FRMD5: variants seen among roughly 807,000 people sequenced by gnomAD.
FRMD5 encodes the protein FERM domain containing 5.
FRMD5 carries 20 observed loss-of-function variants against 69.0 expected under a neutral mutation model. The observed-to-expected ratio is 0.29, with a 90% CI of 0.20 to 0.42. The LOEUF (loss-of-function observed/expected upper bound fraction) is 0.42. Among genes scored for constraint, FRMD5 ranks in the 10% least tolerant of loss-of-function variants. FRMD5 has a pLI of 1.00. For missense variants in FRMD5, 595 were observed against 708.6 expected, an observed-to-expected ratio of 0.84 and a Z score of 1.82; for synonymous variants, 271 against 260.1, an observed-to-expected ratio of 1.04 and a Z score of -0.40.
Position 43,902,284 on chromosome 15 carries a change from G to T in FRMD5, c.552-22C>A, listed in dbSNP as rs2089065156. On this transcript the variant is annotated intron_variant, in intron 6 of 13. Coordinates refer to ENST00000417257, the MANE Select transcript of FRMD5 (RefSeq NM_032892.5). ...ACCACTGGAATAAAGAAGATGAGATGATTTCAAGGTGTCTTGTTCCCACAG... is the reference window on the plus strand; with the variant it reads ...ACCACTGGAATAAAGAAGATGAGATTATTTCAAGGTGTCTTGTTCCCACAG... 4 of 1,591,988 alleles carry T rather than the reference G, an allele frequency of 2.5e-6. No individual in the cohort carries two copies. In the East Asian group the frequency reaches 8.9e-5, roughly 36 times the overall value.
chr15:43,896,874 A>G (rs1195414886), intron 7 of FRMD5, among the ~76,000 whole-genome samples: 1 of 152,208 alleles, frequency 6.6e-6, no homozygotes, highest in Non-Finnish European at 1.5e-5. Context: ...AGATACGCCC[A>G]TTTCTGAAAG....
At chr15:43,972,126 A>G (rs375116232) in intron 1 of FRMD5, among the ~76,000 whole-genome samples, 61 of 150,372 alleles carry the variant, frequency 4.1e-4, no homozygotes, top group African/African-American at 1.5e-3. Flanking sequence ...ATGGTGCTTA[A>G]CCTCCAAAGA....
intron 1 of FRMD5, among the ~76,000 whole-genome samples, chr15:44,071,445 A>AAAAC (rs1315384492): frequency 1.3e-5 from 2 of 152,144 alleles, no homozygotes; most frequent in Admixed American, 6.6e-5. Flanking sequence ...AAAACAAAAC[A>AAAAC]AAACAAAACA....
intron 1 of FRMD5, chr15:43,989,730 C>T (rs1477959736): frequency 4.6e-5 from 46 of 1,008,964 alleles, no homozygotes; most frequent in Non-Finnish European, 6.4e-5. Context: ...TAGTCCATCA[C>T]GATGTCAGTG....
chr15:44,090,458 T>TTG (rs2076455388), intron 1 of FRMD5, among the ~76,000 whole-genome samples: 1 of 151,572 alleles, frequency 6.6e-6, no homozygotes, highest in Non-Finnish European at 1.5e-5. Flanking sequence ...TTTTTTTTTT[T>TTG]GAGATACTTT....
chr15:43,949,630 G>A (rs968562539), intron 1 of FRMD5, among the ~76,000 whole-genome samples: 1 of 152,206 alleles, frequency 6.6e-6, no homozygotes, highest in Non-Finnish European at 1.5e-5. Flanking sequence ...TACGACACTA[G>A]AGTTGTTGCA....
chr15:43,907,492 A>G (rs1014014654), intron 5 of FRMD5, among the ~76,000 whole-genome samples: 1 of 150,468 alleles, frequency 6.6e-6, no homozygotes, highest in African/African-American at 2.4e-5. Context: ...ACCTCAGCCT[A>G]TAGCTGAGAC....
rs556474797 is a variant in FRMD5, at chr15:44,148,300, C to G, written c.102+46653G>C. 3.3e-5 allele frequency among the ~76,000 whole-genome samples: 5 copies of G among 151,034 alleles called. No homozygotes were observed. In the South Asian group the frequency reaches 8.3e-4, roughly 25 times the overall value. On this transcript the variant is annotated intron_variant, in intron 1 of 13. Coordinates refer to ENST00000417257, the MANE Select transcript of FRMD5 (RefSeq NM_032892.5). ...ACTTTTTTTTTTTTTGAGACGGAGT[C>G]TCGCTCTGTCCCCCAGGTTGGAGTG...
At chr15:44,174,481 T>A (rs2077859045) in intron 1 of FRMD5, among the ~76,000 whole-genome samples, 3 of 152,188 alleles carry the variant, frequency 2.0e-5, no homozygotes, top group Admixed American at 1.3e-4. Context: ...TGTGCCACAT[T>A]TCCCACATTA....
rs371269022 is a variant in FRMD5, at chr15:43,916,170, A to G, written c.329+3289T>C. Among the ~76,000 whole-genome samples, 9 of 152,274 alleles carry G rather than the reference A, an allele frequency of 5.9e-5. No individual in the cohort carries two copies. In the East Asian group the frequency reaches 1.4e-3, roughly 23 times the overall value. On this transcript the variant is annotated intron_variant, in intron 4 of 13. Transcript: ENST00000417257. ...TTAGCACAAATGCATGCAGACCGAG[A>G]GGAGCTCCTTCTCTTGCCAGTGTCC...
intron 1 of FRMD5, among the ~76,000 whole-genome samples, chr15:43,986,380 A>G (rs765942268): frequency 3.9e-5 from 6 of 152,256 alleles, no homozygotes; most frequent in Non-Finnish European, 7.3e-5. Context: ...TAGAAGAAAT[A>G]GCTAACTGTG....
At chr15:44,170,523 C>CAA (rs78781391) in intron 1 of FRMD5, among the ~76,000 whole-genome samples, 4 of 132,116 alleles carry the variant, frequency 3.0e-5, no homozygotes, top group Admixed American at 7.7e-5. Flanking sequence ...ACTTCATATC[C>CAA]AAAAAAAAAA....
chr15:43,889,268 G>A (rs935205864), intron 8 of FRMD5, among the ~76,000 whole-genome samples: 2 of 152,200 alleles, frequency 1.3e-5, no homozygotes, highest in Non-Finnish European at 2.9e-5. Context: ...TGAGGCCAAA[G>A]TTCAAGATAC....
chr15:43,991,412 C>A (rs1889669893), intron 1 of FRMD5, among the ~76,000 whole-genome samples: 1 of 152,210 alleles, frequency 6.6e-6, no homozygotes, highest in South Asian at 2.1e-4. Flanking sequence ...CATCCATACA[C>A]ATGAGCCCTG....
Position 44,057,956 on chromosome 15 carries a change from A to G in FRMD5, c.103-133647T>C, listed in dbSNP as rs146067348. ...AAACCATGGAGTCCTATATATCCCA[A>G]TTCATTTGACCACATCCATAGTTTG... is the stretch of plus-strand genomic sequence containing the variant. On this transcript the variant is annotated intron_variant, in intron 1 of 13. Transcript: ENST00000417257. Among the ~76,000 whole-genome samples the G allele has an allele frequency of 9.8e-4, 149 of 152,308 alleles. 1 individual carries two copies. The highest frequency in any genetic ancestry group is 2.7e-3 in the African/African-American group (114 of 41,570).
chr15:43,913,489 TAAG>T (rs1409408427), intron 4 of FRMD5, among the ~76,000 whole-genome samples: 2 of 152,254 alleles, frequency 1.3e-5, no homozygotes, highest in Non-Finnish European at 2.9e-5. Flanking sequence ...TTGGTTCATT[TAAG>T]AAGATAACCA....
intron 1 of FRMD5, among the ~76,000 whole-genome samples, chr15:44,103,314 G>A (rs2076667784): frequency 6.6e-6 from 1 of 151,940 alleles, no homozygotes. Flanking sequence ...TTAATAAAAT[G>A]GTAAAAGATA....
chr15:43,937,667 C>T (rs1457330894), intron 1 of FRMD5, among the ~76,000 whole-genome samples: 6 of 147,316 alleles, frequency 4.1e-5, no homozygotes, highest in Non-Finnish European at 8.9e-5. Context: ...AAAAAAAGTG[C>T]TCCTGGGAAC....
chr15:44,141,975 C>A (rs2077280614), intron 1 of FRMD5, among the ~76,000 whole-genome samples: 1 of 152,130 alleles, frequency 6.6e-6, no homozygotes, highest in South Asian at 2.1e-4. Flanking sequence ...TCATTGCTGT[C>A]ATTAAATTAG....
Sources: gnomAD v4.1 joint callset for allele counts (sites outside exome capture counted in the v4.1 genomes callset) on GRCh38, gnomAD v4.1.1 for gene constraint, MANE v1.5 for transcripts, NCBI Gene and HGNC (gene_info 2026-07-23, HGNC 2026-07-21) for gene names.